Variants in MMP26 observed in about 807,000 individuals in gnomAD.
MMP26 encodes the protein matrix metallopeptidase 26.
A neutral mutation model predicts 31.0 loss-of-function variants in MMP26; 33 were observed. The ratio of observed to expected loss-of-function variants is 1.06; its 90% confidence interval spans 0.81 to 1.42. The LOEUF is 1.42. Among genes scored for constraint, MMP26 ranks in the 40% most tolerant of loss-of-function variants. The pLI is 0.00. For synonymous variants in MMP26, 122 were observed against 114.9 expected (o/e 1.06, Z -0.40); for missense variants, 347 against 316.1 (o/e 1.10, Z -0.74).
intron 1 of MMP26, chr11:4,723,910 C>A: frequency 9.8e-7 from 1 of 1,025,136 alleles, no homozygotes; most frequent in Non-Finnish European, 1.5e-6. Context: ...CTCCTGGGTG[C>A]GCATGGCCTG....
At position 4,758,466 on chromosome 11, in the gene MMP26, G is replaced by GA. The variant is rs376347621; in HGVS notation, c.-216-8783dup. ...GTTAGGTAAGCTGATCATCCATTTG[G>GA]AAAAAAAAAAAAAAAAAAAAACTAA... On this transcript the variant is annotated intron_variant, in intron 1 of 7. Transcript: ENST00000380390. Among the ~76,000 whole-genome samples, 883 of 93,070 alleles carry GA rather than the reference G, an allele frequency of 9.5e-3. 4 individuals carry two copies. Among genetic ancestry groups the GA allele is most frequent in the East Asian group, 0.028 (63 of 2,238 alleles). The allele number at this position is 93,070 out of a possible 152,430, so 61.1% of individuals were successfully genotyped here. A position where few individuals can be genotyped will look rare whatever the true frequency, so the allele number is the denominator to read the frequency against.
chr11:4,803,919 T>A, intron 2 of MMP26: 2 of 1,612,412 alleles, frequency 1.2e-6, no homozygotes, highest in Non-Finnish European at 1.7e-6. Context: ...ACAGCAGCCC[T>A]CTCAGCATCA....
At chr11:4,915,318 C>A in intron 2 of MMP26, 1 of 1,613,758 alleles carries the variant, frequency 6.2e-7, no homozygotes, top group Non-Finnish European at 8.5e-7. Context: ...ACAGAGGACT[C>A]GAGGAAGGAG....
chr11:4,748,698 G>C (rs1307905357), intron 1 of MMP26, among the ~76,000 whole-genome samples: 1 of 138,622 alleles, frequency 7.2e-6, no homozygotes, highest in African/African-American at 3.4e-5. Flanking sequence ...AAAAAAATAT[G>C]ATCACGGCAA....
chr11:4,716,650 C>CTTTTTTTTTTTTTTTTTT (rs71050424), intron 1 of MMP26, among the ~76,000 whole-genome samples: 2 of 65,042 alleles, frequency 3.1e-5, no homozygotes, highest in African/African-American at 6.8e-5. Flanking sequence ...TCTCTTACCT[C>CTTTTTTTTTTTTTTTTTT]TTTTTTTTTT....
At chr11:4,943,781 G>T (rs1425599281) in intron 2 of MMP26, 3 of 406,888 alleles carry the variant, frequency 7.4e-6, no homozygotes, top group Non-Finnish European at 1.5e-5. Flanking sequence ...AAATCATTAT[G>T]CTGACCATAA....
intron 2 of MMP26, among the ~76,000 whole-genome samples, chr11:4,856,786 G>A (rs1028143761): frequency 1.1e-3 from 160 of 152,130 alleles, no homozygotes; most frequent in African/African-American, 3.3e-3. Context: ...TCAGCACCAC[G>A]TCGCACTTAT....
In MMP26 at chr11:4,843,797, G is replaced by A. The variant is rs180889609; in HGVS notation, c.-145+76456G>A. On this transcript the variant is annotated intron_variant, in intron 2 of 7. Transcript: ENST00000380390. ...TTTTTATTGCCTACCACATGGTCAG[G>A]CTGCAAATTTCCCAAACTCATATGT... Among the ~76,000 whole-genome samples the A allele has an allele frequency of 7.9e-5, 12 of 152,286 alleles. No homozygotes were observed. The East Asian group carries it at 2.1e-3, about 27-fold the overall frequency.
intron 2 of MMP26, among the ~76,000 whole-genome samples, chr11:4,959,939 A>G (rs952327934): frequency 6.6e-6 from 1 of 152,048 alleles, no homozygotes; most frequent in Non-Finnish European, 1.5e-5. Flanking sequence ...CAATCCATAA[A>G]TCAAAACATA....
intron 2 of MMP26, among the ~76,000 whole-genome samples, chr11:4,851,991 A>T (rs1012934842): frequency 6.6e-6 from 1 of 152,174 alleles, no homozygotes; most frequent in Non-Finnish European, 1.5e-5. Context: ...GCATCATAAA[A>T]GGCACATTGT....
At chr11:4,825,046 A>G (rs897588721) in intron 2 of MMP26, among the ~76,000 whole-genome samples, 1 of 151,998 alleles carries the variant, frequency 6.6e-6, no homozygotes, top group Non-Finnish European at 1.5e-5. Context: ...CTGAGACCTG[A>G]TTGGTTATTA....
At chr11:4,891,792 T>C (rs1850627254) in intron 2 of MMP26, among the ~76,000 whole-genome samples, 1 of 152,178 alleles carries the variant, frequency 6.6e-6, no homozygotes, top group South Asian at 2.1e-4. Flanking sequence ...ACATACACTT[T>C]CACAGCTATA....
At chr11:4,982,443 C>T (rs1846828105) in intron 2 of MMP26, among the ~76,000 whole-genome samples, 2 of 152,158 alleles carry the variant, frequency 1.3e-5, no homozygotes, top group African/African-American at 2.4e-5. Context: ...CATGACTATA[C>T]ATGTTTACGT....
In MMP26 at chr11:4,838,384, GA is replaced by G. The variant is rs111968048; in HGVS notation, c.-145+71044del. 4.8e-3 allele frequency among the ~76,000 whole-genome samples: 515 copies of G among 107,768 alleles called. 5 individuals are homozygous for G. Among genetic ancestry groups the G allele is most frequent in the African/African-American group, 0.015 (466 of 31,404 alleles). 70.7% of individuals were successfully genotyped at this position (107,768 alleles called of 152,430 possible). On this transcript the variant is annotated intron_variant, in intron 2 of 7. Transcript: ENST00000380390. Reference sequence around the variant, plus strand: ...ATGATATGAATTGCTGTAATTTTTTGAGAAAAGAATCTACCAACAAACATGT... The same window carrying G: ...ATGATATGAATTGCTGTAATTTTTTGGAAAAGAATCTACCAACAAACATGT...
At chr11:4,726,187 T>C (rs189666525) in intron 1 of MMP26, among the ~76,000 whole-genome samples, 1 of 152,214 alleles carries the variant, frequency 6.6e-6, no homozygotes, top group East Asian at 1.9e-4. Context: ...TAAATAAGAA[T>C]TTTACTAGGC....
intron 2 of MMP26, among the ~76,000 whole-genome samples, chr11:4,888,431 G>A (rs570969362): frequency 7.9e-5 from 12 of 151,934 alleles, no homozygotes; most frequent in Admixed American, 5.9e-4. Context: ...TAGTGAAATC[G>A]AAACACTAGA....
At chr11:4,756,392 G>T (rs1303316422) in intron 1 of MMP26, among the ~76,000 whole-genome samples, 1 of 151,948 alleles carries the variant, frequency 6.6e-6, no homozygotes, top group African/African-American at 2.4e-5. Context: ...CCAAAGGAAA[G>T]ACTCCAGTGT....
At position 4,963,621 on chromosome 11, in the gene MMP26, C is replaced by T. The variant is rs561123694; in HGVS notation, c.-144-24447C>T. On this transcript the variant is annotated intron_variant, in intron 2 of 7. Coordinates refer to ENST00000380390, the MANE Select transcript of MMP26 (RefSeq NM_021801.5). ...TGATCTTTGTCCTTGCTTTTTATGA[C>T]GTGTTATTTACAGAGGTTCAATAAG... Among the ~76,000 whole-genome samples, 39 of 152,228 alleles carry T rather than the reference C, an allele frequency of 2.6e-4. 1 individual carries two copies. Among genetic ancestry groups the T allele is most frequent in the African/African-American group, 6.7e-4 (28 of 41,542 alleles).
chr11:4,705,870 C>G (rs1203775243), intron 1 of MMP26, among the ~76,000 whole-genome samples: 2 of 151,526 alleles, frequency 1.3e-5, no homozygotes, highest in African/African-American at 4.9e-5. Context: ...TACCTGTAGT[C>G]CTAGCTACTC....
Sources: allele counts gnomAD v4.1 joint callset (sites outside exome capture counted in the v4.1 genomes callset), GRCh38; gene constraint gnomAD v4.1.1; transcripts MANE v1.5; gene names NCBI Gene and HGNC (gene_info 2026-07-23, HGNC 2026-07-21).